The following GUK1 variants were observed in gnomAD, a reference collection of about 807,000 sequenced individuals.
The protein encoded by GUK1 is guanylate kinase.
In GUK1, 18 loss-of-function variants were observed where a neutral mutation model predicts 25.2. The ratio of observed to expected loss-of-function variants is 0.71; its 90% CI spans 0.49 to 1.06. The LOEUF (loss-of-function observed/expected upper bound fraction) is 1.06, where lower values mean the gene tolerates loss of function less well. GUK1 is among the 50% of genes least tolerant of loss of function. The probability of loss-of-function intolerance (pLI) is 0.00; values close to 1 mark genes in which losing one functional copy is unlikely to be tolerated. For missense variants in GUK1, 261 were observed against 276.7 expected, an observed-to-expected ratio of 0.94 and a Z score of 0.40; for synonymous variants, 105 against 117.6, an observed-to-expected ratio of 0.89 and a Z score of 0.69.
intron 1 of GUK1, 147 bp downstream of exon 1, chr1:228,140,510 G>T (rs891978417): frequency 1.5e-6 from 1 of 658,428 alleles, no homozygotes; most frequent in South Asian, 2.1e-5. Flanking sequence ...CCCTGAGAAC[G>T]GGGGAGCTCT....
In GUK1 at chr1:228,144,546, T is replaced by C. The variant is rs553484036; in HGVS notation, c.-2-965T>C. 911 of 165,144 alleles carry C rather than the reference T, an allele frequency of 5.5e-3. 11 individuals are homozygous for C. The highest frequency in any genetic ancestry group is 0.021 in the African/African-American group (881 of 41,814). The allele number at this position is 165,144 out of a possible 1,614,324, so 10.2% of individuals were successfully genotyped here. A position where few individuals can be genotyped will look rare whatever the true frequency, so the allele number is the denominator to read the frequency against. On this transcript the variant is annotated intron_variant, in intron 2 of 8. Transcript: ENST00000312726. ...TTGGGGCAAGAGCTGGAGCTGTCTT[T>C]TCCTTCCTGCACAGCCGCAGAGCAG...
chr1:228,148,508 G>A, intron 8 of GUK1, 52 bp downstream of exon 7: 1 of 1,449,966 alleles, frequency 6.9e-7, no homozygotes, highest in African/African-American at 1.4e-5. Flanking sequence ...AGGCCTGGGG[G>A]CCAGGCCTTT....
chr1:228,144,908 G>C (rs2124940943), intron 2 of GUK1: 1 of 156,684 alleles, frequency 6.4e-6, no homozygotes, highest in East Asian at 1.9e-4. Context: ...TCACAGATAG[G>C]AGTCCCAAGT....
At position 228,148,894 on chromosome 1, in the gene GUK1, C is replaced by A. The variant is rs951015405; in HGVS notation, c.*197C>A. 1.3e-5 allele frequency: 18 copies of A among 1,375,588 alleles called. No homozygotes were observed. The Admixed American group carries it at 3.7e-4, about 28-fold the overall frequency. The allele number at this position is 1,375,588 out of a possible 1,614,324, so 85.2% of individuals were successfully genotyped here. On this transcript the variant is annotated 3_prime_UTR_variant, in exon 9 of 9. Coordinates refer to ENST00000312726, the MANE Select transcript of GUK1 (RefSeq NM_000858.7). ...GCTGGGCTGTCCCCTGTCCCTATCT[C>A]TCACTCTGGACCCAGGGCTGACATC... is the stretch of plus-strand genomic sequence containing the variant.
Position 228,146,032 on chromosome 1 carries a change from C to A in GUK1, c.119C>A (p.Thr40Lys), listed in dbSNP as rs754243599. 6.2e-7 allele frequency: 1 copy of A among 1,610,950 alleles called. No individual in the cohort carries two copies. The highest frequency in any genetic ancestry group is 2.2e-5 in the East Asian group (1 of 44,868). Residue 40 changes from threonine to lysine, a missense_variant, in exon 4 of 9, where the codon ACG (threonine) becomes AAG (lysine). By Grantham distance (78) the Thr-to-Lys change is moderately conservative (BLOSUM62 -1). Transcript: ENST00000312726. The stretch of plus-strand genomic sequence containing the variant: ...TGACAGGTCTCTCTGCTAGATACCA[C>A]GAGGAACCCGAGGCCCGGCGAGGAG...
intron 7 of GUK1, 39 bp downstream of exon 6, chr1:228,147,738 G>T: frequency 6.3e-7 from 1 of 1,583,812 alleles, no homozygotes; most frequent in Non-Finnish European, 8.7e-7. Flanking sequence ...TGCCAGGAGG[G>T]GAGTCAGGGT....
intron 8 of GUK1, 98 bp from the exon 8 acceptor site, chr1:228,148,567 C>T (rs2034535063): frequency 7.2e-7 from 1 of 1,384,544 alleles, no homozygotes; most frequent in Admixed American, 1.8e-5. Context: ...TACCCAAGCA[C>T]TGGCATGAGA....
chr1:228,147,476 C>T lies in GUK1; in HGVS notation c.322C>T (p.Arg108Trp), dbSNP rs867941412. The change falls in exon 6 of 9, where the codon CGG (arginine) becomes TGG (tryptophan). Residue 108 changes from arginine (R) to tryptophan (W), a missense_variant. Physicochemically the swap from Arg to Trp is moderately radical, Grantham distance 101. Coordinates refer to ENST00000312726, the MANE Select transcript of GUK1 (RefSeq NM_000858.7). ...GCTGGACGTGGACCTGCAGGGTGTG[C>T]GGAACATCAAGGCCACCGATCTGCG... 1.4e-5 allele frequency: 22 copies of T among 1,612,920 alleles called. No individual in the cohort carries two copies. Among genetic ancestry groups the T allele is most frequent in the East Asian group, 4.5e-5 (2 of 44,890 alleles).
intron 4 of GUK1, chr1:228,146,516 C>T (rs1291105413): frequency 2.2e-6 from 1 of 456,452 alleles, no homozygotes; most frequent in Non-Finnish European, 4.0e-6. Context: ...CCCTCTGTAA[C>T]CTGACGGTCT....
At position 228,147,059 on chromosome 1, in the gene GUK1, G is replaced by A; in HGVS notation, c.251+121G>A. On this transcript the variant is annotated intron_variant, in intron 5 of 8. Transcript: ENST00000312726. ...ACCCCATGGTTATGAATGTGGCCAG[G>A]TTGTGGCCCAGGGCCAGGCTCCCAC... 7.9e-6 allele frequency: 6 copies of A among 759,576 alleles called. No individual in the cohort carries two copies. The South Asian group carries it at 8.9e-5, about 11-fold the overall frequency. The allele number at this position is 759,576 out of a possible 1,614,324, so 47.1% of individuals were successfully genotyped here.
In GUK1 at chr1:228,147,495, A is replaced by T. The variant is rs771068688; in HGVS notation, c.341A>T (p.Asp114Val). The change falls in exon 6 of 9, where the codon GAT becomes GTT. Residue 114 changes from aspartate to valine, a missense_variant. Physicochemically the swap from Asp to Val is radical, Grantham distance 152 (BLOSUM62 -3). Coordinates refer to ENST00000312726, the MANE Select transcript of GUK1 (RefSeq NM_000858.7). ...GGTGTGCGGAACATCAAGGCCACCG[A>T]TCTGCGGCCCATCTACATCTCTGTG... The T allele has an allele frequency of 3.7e-6, 6 of 1,613,134 alleles. No individual in the cohort carries two copies. In the African/African-American group the frequency reaches 8.0e-5, roughly 22 times the overall value.
At chr1:228,140,263 G>T (rs2033964979), upstream of GUK1, 1 of 1,513,144 alleles carries the variant, frequency 6.6e-7, no homozygotes. Context: ...CCGGTGCGGC[G>T]CTGTCACGTA....
At position 228,148,776 on chromosome 1, in the gene GUK1, T is replaced by C. The variant is rs759302283; in HGVS notation, c.*79T>C. On this transcript the variant is annotated 3_prime_UTR_variant, in exon 9 of 9. Transcript: ENST00000312726. The stretch of plus-strand genomic sequence containing the variant: ...ATTGAGCCACCCCCTTGGCAGGCGA[T>C]ACGGCAGCTCTGTGCCCTTGGCCAG... The C allele has an allele frequency of 3.7e-6, 6 of 1,608,626 alleles. No homozygotes were observed. Among genetic ancestry groups the C allele is most frequent in the Non-Finnish European group, 5.1e-6 (6 of 1,178,120 alleles).
chr1:228,141,500 G>A (rs1488394854), intron 2 of GUK1: 5 of 438,148 alleles, frequency 1.1e-5, no homozygotes, highest in Non-Finnish European at 1.6e-5. Flanking sequence ...CCAGGCCCAC[G>A]TCTGGTGGTT....
intron 2 of GUK1, among the ~76,000 whole-genome samples, chr1:228,142,450 C>T (rs1202142000): frequency 1.3e-5 from 2 of 152,054 alleles, no homozygotes; most frequent in Admixed American, 6.5e-5. Context: ...TGTCTTCTGC[C>T]TGCGGGCCCA....
chr1:228,148,886 C>T lies in GUK1; in HGVS notation c.*189C>T, dbSNP rs1375105725. ...CCAGCCTCGCTGGGCTGTCCCCTGT[C>T]CCTATCTCTCACTCTGGACCCAGGG... On this transcript the variant is annotated 3_prime_UTR_variant, in exon 9 of 9. Transcript: ENST00000312726. 1.4e-5 allele frequency: 20 copies of T among 1,434,214 alleles called. No homozygotes were observed. Among genetic ancestry groups the T allele is most frequent in the East Asian group, 2.5e-5 (1 of 39,574 alleles). 88.8% of individuals were successfully genotyped at this position (1,434,214 alleles called of 1,614,324 possible). A position where few individuals can be genotyped will look rare whatever the true frequency, so the allele number is the denominator to read the frequency against.
Position 228,141,252 on chromosome 1 carries a change from C to G in GUK1, c.-39C>G. On this transcript the variant is annotated 5_prime_UTR_variant, in exon 2 of 9. Transcript: ENST00000312726. ...ATCGTGAAGGGCTGGGGCCTTCACT[C>G]CTCTGTGGCTCTGGAAGAGCCCGAT... The G allele has an allele frequency of 6.1e-6, 6 of 984,872 alleles. No individual in the cohort carries two copies. The highest frequency in any genetic ancestry group is 1.7e-5 in the African/African-American group (1 of 57,348). The allele number at this position is 984,872 out of a possible 1,614,324, so 61.0% of individuals were successfully genotyped here.
At position 228,140,357 on chromosome 1, in the gene GUK1, C is replaced by G. The variant is rs1571877761; in HGVS notation, c.-174C>G. On this transcript the variant is annotated 5_prime_UTR_variant, in exon 1 of 9. Coordinates refer to ENST00000312726, the MANE Select transcript of GUK1 (RefSeq NM_000858.7). ...TGCGGCCGCCCTGGGCCGGGCCCCA[C>G]CGGACGGTGAGTACGACAAGCGCGA... 1 of 1,523,276 alleles carries G rather than the reference C, an allele frequency of 6.6e-7. No homozygotes were observed. Among genetic ancestry groups the G allele is most frequent in the Non-Finnish European group, 8.7e-7 (1 of 1,143,614 alleles). 94.4% of individuals were successfully genotyped at this position (1,523,276 alleles called of 1,614,324 possible).
chr1:228,141,779 C>A (rs1312095371), intron 2 of GUK1: 8 of 1,274,064 alleles, frequency 6.3e-6, no homozygotes. Flanking sequence ...GCCGGCGGCT[C>A]CCAGGAGACC....
Sources: gnomAD v4.1 joint callset for allele counts (sites outside exome capture counted in the v4.1 genomes callset) on GRCh38, gnomAD v4.1.1 for gene constraint, MANE v1.5 for transcripts, NCBI Gene and HGNC (gene_info 2026-07-23, HGNC 2026-07-21) for gene names.